SLC5A11: variants seen among roughly 807,000 people sequenced by gnomAD.
SLC5A11 encodes the protein solute carrier family 5 member 11.
Under a neutral mutation model 69.8 loss-of-function variants are expected in SLC5A11, and 48 were observed. The observed-to-expected ratio is 0.69, with a 90% CI of 0.55 to 0.87. SLC5A11 has a LOEUF of 0.87. SLC5A11 is among the 40% of genes least tolerant of loss of function. The probability of loss-of-function intolerance (pLI) is 0.00; values close to 1 mark genes in which losing one functional copy is unlikely to be tolerated. For synonymous variants in SLC5A11, 319 were observed against 342.4 expected, an observed-to-expected ratio of 0.93 and a Z score of 0.75; for missense variants, 784 against 866.1, an observed-to-expected ratio of 0.91 and a Z score of 1.19.
chr16:24,862,747 T>C lies in SLC5A11; in HGVS notation c.207+75T>C. 11 of 1,367,978 alleles carry C rather than the reference T, an allele frequency of 8.0e-6. No individual in the cohort carries two copies. In the South Asian group the frequency reaches 1.3e-4, roughly 16 times the overall value. The allele number at this position is 1,367,978 out of a possible 1,614,324, so 84.7% of individuals were successfully genotyped here. A position where few individuals can be genotyped will look rare whatever the true frequency, so the allele number is the denominator to read the frequency against. On this transcript the variant is annotated intron_variant, in intron 3 of 15. Coordinates refer to ENST00000347898, the Ensembl canonical transcript of SLC5A11. Reference sequence around the variant, plus strand: ...TGCTGGGATTCTGTCCAGCCTTTGATATCTCAGGACTCTCTGGTCTCATGT... The same window carrying C: ...TGCTGGGATTCTGTCCAGCCTTTGACATCTCAGGACTCTCTGGTCTCATGT...
intron 1 of SLC5A11, among the ~76,000 whole-genome samples, chr16:24,849,593 A>AAAAAAAATATATATATATAT: frequency 2.8e-5 from 1 of 35,902 alleles, no homozygotes; most frequent in Non-Finnish European, 5.6e-5. Context: ...AAAAAAAAAA[A>AAAAAAAATATATATATATAT]ATATATATAT....
intron 2 of SLC5A11, 84 bp from the exon 4 acceptor site, chr16:24,862,517 C>T: frequency 9.3e-7 from 1 of 1,078,114 alleles, no homozygotes; most frequent in Middle Eastern, 2.9e-4. Flanking sequence ...TCCCAGTTTG[C>T]AATCCCTGCC....
chr16:24,848,945 A>T (rs2059146559), intron 1 of SLC5A11, among the ~76,000 whole-genome samples: 1 of 152,200 alleles, frequency 6.6e-6, no homozygotes, highest in Non-Finnish European at 1.5e-5. Context: ...GTGTGGATTT[A>T]TTATGTTTTG....
intron 8 of SLC5A11, among the ~76,000 whole-genome samples, chr16:24,886,159 C>T (rs1489985071): frequency 6.6e-6 from 1 of 151,956 alleles, no homozygotes; most frequent in African/African-American, 2.4e-5. Context: ...CTCAGCCTCC[C>T]AAGTAGCTGG....
At chr16:24,875,350 A>G (rs904765873) in intron 5 of SLC5A11, among the ~76,000 whole-genome samples, 3 of 151,954 alleles carry the variant, frequency 2.0e-5, no homozygotes, top group South Asian at 2.1e-4. Context: ...ACGCATGACT[A>G]AATTTGTATT....
At chr16:24,910,962 A>G (rs2050473223) in intron 15 of SLC5A11, among the ~76,000 whole-genome samples, 1 of 151,652 alleles carries the variant, frequency 6.6e-6, no homozygotes, top group Non-Finnish European at 1.5e-5. Flanking sequence ...TGAAATCAGG[A>G]GTTCAAGACC....
At chr16:24,895,126 G>GA (rs201087957) in intron 9 of SLC5A11, among the ~76,000 whole-genome samples, 1,617 of 145,656 alleles carry the variant, frequency 0.011, 41 homozygotes, top group African/African-American at 0.038. Context: ...TCCTGCCTCA[G>GA]AAAAAAAGAA....
chr16:24,874,026 C>T (rs1317815558), intron 5 of SLC5A11, among the ~76,000 whole-genome samples: 1 of 152,026 alleles, frequency 6.6e-6, no homozygotes, highest in Non-Finnish European at 1.5e-5. Context: ...GGGGTTTCCC[C>T]ATGTTGGCCA....
At chr16:24,896,384 A>G (rs750773800) in intron 9 of SLC5A11, among the ~76,000 whole-genome samples, 1 of 151,890 alleles carries the variant, frequency 6.6e-6, no homozygotes, top group Non-Finnish European at 1.5e-5. Flanking sequence ...TGTCTCAGCT[A>G]CTTGAAAGAC....
intron 10 of SLC5A11, among the ~76,000 whole-genome samples, chr16:24,901,985 T>A (rs940508074): frequency 3.6e-5 from 5 of 139,230 alleles, no homozygotes; most frequent in Admixed American, 7.0e-5. Context: ...CACACACATA[T>A]ATAGTAGTCC....
chr16:24,861,558 AGAAAG>A (rs1488266479), intron 2 of SLC5A11, among the ~76,000 whole-genome samples: 1 of 149,736 alleles, frequency 6.7e-6, no homozygotes, highest in Non-Finnish European at 1.5e-5. Flanking sequence ...ATAAAAGAAA[AGAAAG>A]AAAGAGAGAG....
At chr16:24,890,920 C>T (rs1233398401) in exon 9 of SLC5A11, 11 of 1,614,016 alleles carry the variant, frequency 6.8e-6, no homozygotes, top group African/African-American at 1.3e-5. Flanking sequence ...TACTTCTTGG[C>T]CCTGGCTAGC....
At chr16:24,872,180 G>A (rs199550725) in exon 5 of SLC5A11, 4 of 1,614,188 alleles carry the variant, frequency 2.5e-6, no homozygotes. Flanking sequence ...CTGTGCTGAT[G>A]TTGGCCTGGA....
At chr16:24,849,406 A>G (rs1263616441) in intron 1 of SLC5A11, among the ~76,000 whole-genome samples, 1 of 151,154 alleles carries the variant, frequency 6.6e-6, no homozygotes, top group Non-Finnish European at 1.5e-5. Flanking sequence ...ATCTCTACTA[A>G]AAACACAAAA....
At position 24,890,954 on chromosome 16, in the gene SLC5A11, C is replaced by A. The variant is rs768263585; in HGVS notation, c.750C>A (p.Cys250Ter). 4.3e-6 allele frequency: 7 copies of A among 1,614,034 alleles called. No individual in the cohort carries two copies. Among genetic ancestry groups the A allele is most frequent in the Non-Finnish European group, 5.1e-6 (6 of 1,180,048 alleles). Residue 250 changes from cysteine to a stop codon, truncating the protein, a stop_gained, in exon 9 of 16, where the codon TGC (cysteine) becomes TGA (stop). Coordinates refer to ENST00000347898, the Ensembl canonical transcript of SLC5A11. LOFTEE classifies it high-confidence loss of function. ...GCAACCGGAGTGAGAACAGCAGCTG[C>A]GGGCTGCCCCGGGAAGATGCCTTCC...
intron 8 of SLC5A11, among the ~76,000 whole-genome samples, chr16:24,888,833 G>C (rs1256178082): frequency 3.7e-5 from 4 of 109,408 alleles, no homozygotes; most frequent in African/African-American, 1.5e-4. Context: ...GTCTGGCTCT[G>C]TTGCCCAGGC....
At chr16:24,853,981 G>A (rs2059420694) in intron 1 of SLC5A11, among the ~76,000 whole-genome samples, 1 of 152,128 alleles carries the variant, frequency 6.6e-6, no homozygotes, top group Admixed American at 6.5e-5. Context: ...CGTCCCTCGC[G>A]GCCCCTGGCT....
At chr16:24,851,639 A>G (rs2059312624) in intron 1 of SLC5A11, among the ~76,000 whole-genome samples, 1 of 152,204 alleles carries the variant, frequency 6.6e-6, no homozygotes, top group Admixed American at 6.5e-5. Flanking sequence ...TGGTTTTATA[A>G]AATGGACGGG....
intron 8 of SLC5A11, among the ~76,000 whole-genome samples, chr16:24,887,763 C>T (rs1278116858): frequency 6.6e-6 from 1 of 151,920 alleles, no homozygotes; most frequent in Non-Finnish European, 1.5e-5. Flanking sequence ...ATTTTCTCAA[C>T]AAAACTCAAG....
Sources: gnomAD v4.1 joint callset for allele counts (sites outside exome capture counted in the v4.1 genomes callset) on GRCh38, gnomAD v4.1.1 for gene constraint, MANE v1.5 for transcripts, NCBI Gene and HGNC (gene_info 2026-07-23, HGNC 2026-07-21) for gene names.